The following CDK19 variants were observed in gnomAD, a reference collection of about 807,000 sequenced individuals.
CDK19 encodes cyclin-dependent kinase 19.
CDK19 carries 20 observed loss-of-function variants against 68.3 expected under a neutral mutation model. The ratio of observed to expected loss-of-function variants is 0.29; its 90% CI spans 0.21 to 0.43. The LOEUF (loss-of-function observed/expected upper bound fraction) is 0.43, where lower values mean the gene tolerates loss of function less well. Among genes scored for constraint, CDK19 ranks in the 20% least tolerant of loss-of-function variants. CDK19 has a pLI of 1.00. For synonymous variants in CDK19, 221 were observed against 222.8 expected (o/e 0.99, Z 0.07); for missense variants, 339 against 623.5 (o/e 0.54, Z 4.86).
intron 1 of CDK19, among the ~76,000 whole-genome samples, chr6:110,747,592 G>A (rs752703144): frequency 3.9e-5 from 6 of 152,038 alleles, no homozygotes; most frequent in South Asian, 2.1e-4. Flanking sequence ...TAACAGTTAC[G>A]TTAAGATATA....
intron 2 of CDK19, among the ~76,000 whole-genome samples, chr6:110,710,956 G>C (rs564585817): frequency 1.3e-5 from 2 of 152,238 alleles, no homozygotes; most frequent in Admixed American, 1.3e-4. Context: ...GGGGTTAGCC[G>C]CAACTGATCT....
rs142763730 is a variant in CDK19 at position 110,807,137 on chromosome 6, A to C, written c.128+7872T>G. ...AGACATAGCAAGACCTCATCTCTAC[A>C]AATAATTTAAAAAAAAAAAAAAAAG... On this transcript the variant is annotated intron_variant, in intron 1 of 12. Coordinates refer to ENST00000368911, the MANE Select transcript of CDK19 (RefSeq NM_015076.5). Among the ~76,000 whole-genome samples the C allele has an allele frequency of 5.2e-3, 783 of 151,316 alleles. 3 individuals are homozygous for C. Among genetic ancestry groups the C allele is most frequent in the Middle Eastern group, 0.017 (5 of 294 alleles).
chr6:110,621,375 T>A lies in CDK19; in HGVS notation c.1111-5A>T. ...GTTCTGCTGCTGTTGCTGATTCTTT[T>A]AAGGGGAAAAAAGCAAGCTTGGTAT... On this transcript the variant is annotated splice_region_variant and splice_polypyrimidine_tract_variant and intron_variant, in intron 11 of 12. Transcript: ENST00000368911. The surrounding 1 kb of genome is among the most constrained non-coding windows in gnomAD (Gnocchi z 5.4). 6.5e-7 allele frequency: 1 copy of A among 1,530,024 alleles called. No individual in the cohort carries two copies. The highest frequency in any genetic ancestry group is 8.8e-7 in the Non-Finnish European group (1 of 1,141,226). The allele number at this position is 1,530,024 out of a possible 1,614,324, so 94.8% of individuals were successfully genotyped here.
At chr6:110,679,036 T>C (rs957529768) in intron 2 of CDK19, among the ~76,000 whole-genome samples, 1 of 152,206 alleles carries the variant, frequency 6.6e-6, no homozygotes, top group Non-Finnish European at 1.5e-5. Flanking sequence ...AAGCTGGATG[T>C]AGTGGCTCAC....
At chr6:110,801,565 G>A (rs1482818635) in intron 1 of CDK19, among the ~76,000 whole-genome samples, 1 of 151,992 alleles carries the variant, frequency 6.6e-6, no homozygotes, top group African/African-American at 2.4e-5. Flanking sequence ...AAGCTAGAGT[G>A]CAGTGGCGTC....
At chr6:110,796,683 T>C (rs1781958902) in intron 1 of CDK19, among the ~76,000 whole-genome samples, 2 of 151,578 alleles carry the variant, frequency 1.3e-5, no homozygotes, top group South Asian at 4.2e-4. Flanking sequence ...AAAATACACA[T>C]AAATTGATCT....
chr6:110,727,613 CT>C (rs1776408395), intron 2 of CDK19, among the ~76,000 whole-genome samples: 3 of 124,906 alleles, frequency 2.4e-5, no homozygotes, highest in African/African-American at 8.1e-5. Context: ...CTCAAGATGT[CT>C]TTTTTAAAAG....
chr6:110,812,860 T>A lies in CDK19; in HGVS notation c.128+2149A>T, dbSNP rs185963554. Among the ~76,000 whole-genome samples, 631 of 150,298 alleles carry A rather than the reference T, an allele frequency of 4.2e-3. 3 individuals are homozygous for A. The highest frequency in any genetic ancestry group is 6.7e-3 in the Non-Finnish European group (456 of 67,680). ...TTAACATGAACCCAAAGGACACAGA[T>A]GTTCTTTCAAATTGCTGGTATCAAT... On this transcript the variant is annotated intron_variant, in intron 1 of 12. Coordinates refer to ENST00000368911, the MANE Select transcript of CDK19 (RefSeq NM_015076.5).
At position 110,769,942 on chromosome 6, in the gene CDK19, A is replaced by G. The variant is rs931924571; in HGVS notation, c.129-23741T>C. 5.3e-5 allele frequency among the ~76,000 whole-genome samples: 8 copies of G among 152,332 alleles called. No homozygotes were observed. In the South Asian group the frequency reaches 6.2e-4, roughly 12 times the overall value. ...AAAGGCTTTAAATTGCTTCCAACCTATTATTGGTAAAGAGAAAATATCCTC... is the reference window on the plus strand; with the variant it reads ...AAAGGCTTTAAATTGCTTCCAACCTGTTATTGGTAAAGAGAAAATATCCTC... On this transcript the variant is annotated intron_variant, in intron 1 of 12. Coordinates refer to ENST00000368911, the MANE Select transcript of CDK19 (RefSeq NM_015076.5).
At chr6:110,751,334 C>T (rs1002270866) in intron 1 of CDK19, among the ~76,000 whole-genome samples, 5 of 152,146 alleles carry the variant, frequency 3.3e-5, no homozygotes, top group Admixed American at 1.3e-4. Context: ...AGATCAGTGG[C>T]GGCATTAGAT....
chr6:110,769,572 A>AT lies in CDK19; in HGVS notation c.129-23372_129-23371insA, dbSNP rs1300363420. Among the ~76,000 whole-genome samples, 7 of 144,528 alleles carry AT rather than the reference A, an allele frequency of 4.8e-5. No individual in the cohort carries two copies. The East Asian group carries it at 1.8e-3, about 37-fold the overall frequency. The allele number at this position is 144,528 out of a possible 152,430, so 94.8% of individuals were successfully genotyped here. A position where few individuals can be genotyped will look rare whatever the true frequency, so the allele number is the denominator to read the frequency against. On this transcript the variant is annotated intron_variant, in intron 1 of 12. Coordinates refer to ENST00000368911, the MANE Select transcript of CDK19 (RefSeq NM_015076.5). Reference sequence around the variant, plus strand: ...AGAGCAAGATTCCATCTCAAAAAAAAAAAAAAATAATAATAATAATAATAA... The same window carrying AT: ...AGAGCAAGATTCCATCTCAAAAAAAATAAAAAAATAATAATAATAATAATAA...
chr6:110,742,304 T>C (rs1330158813), intron 2 of CDK19, among the ~76,000 whole-genome samples: 1 of 152,208 alleles, frequency 6.6e-6, no homozygotes, highest in African/African-American at 2.4e-5. Flanking sequence ...ACTCTTATAA[T>C]TTCTTGTCTG....
chr6:110,698,833 C>T (rs1258891210), intron 2 of CDK19, among the ~76,000 whole-genome samples: 1 of 152,082 alleles, frequency 6.6e-6, no homozygotes, highest in Non-Finnish European at 1.5e-5. Flanking sequence ...AATCCCCGCA[C>T]TTTGGGAAGC....
At chr6:110,646,015 G>A in intron 4 of CDK19, 2 of 1,009,886 alleles carry the variant, frequency 2.0e-6, no homozygotes, top group Non-Finnish European at 3.0e-6. Flanking sequence ...CAGGGTGTGC[G>A]GTCGCGGGAC....
At chr6:110,659,956 T>C (rs1781518203) in intron 4 of CDK19, among the ~76,000 whole-genome samples, 1 of 152,184 alleles carries the variant, frequency 6.6e-6, no homozygotes, top group Non-Finnish European at 1.5e-5. Context: ...GCATTTCCAC[T>C]AAATAAAAAA....
In CDK19 at chr6:110,621,447, G is replaced by A; in HGVS notation, c.1111-77C>T. 6.8e-7 allele frequency: 1 copy of A among 1,465,692 alleles called. No individual in the cohort carries two copies. Among genetic ancestry groups the A allele is most frequent in the South Asian group, 1.4e-5 (1 of 73,266 alleles). 90.8% of individuals were successfully genotyped at this position (1,465,692 alleles called of 1,614,324 possible). A position where few individuals can be genotyped will look rare whatever the true frequency, so the allele number is the denominator to read the frequency against. ...TTCTTTAATTATTTGATATGCACAT[G>A]TGGCTGCTGACCAACCTGGGGGAGC... On this transcript the variant is annotated intron_variant, in intron 11 of 12. Transcript: ENST00000368911. The surrounding 1 kb of genome is among the most constrained non-coding windows in gnomAD (Gnocchi z 5.4).
In CDK19 at chr6:110,614,431, T is replaced by G; in HGVS notation, c.*104A>C. ...AAGGTTTTCCTCCCATGTGTATGAG[T>G]TTTAAATGGCATCATAGTTTGCATT... is the stretch of plus-strand genomic sequence containing the variant. On this transcript the variant is annotated 3_prime_UTR_variant, in exon 13 of 13. Coordinates refer to ENST00000368911, the MANE Select transcript of CDK19 (RefSeq NM_015076.5). The G allele has an allele frequency of 9.1e-7, 1 of 1,102,482 alleles. No individual in the cohort carries two copies. Among genetic ancestry groups the G allele is most frequent in the African/African-American group, 1.6e-5 (1 of 64,448 alleles). The allele number at this position is 1,102,482 out of a possible 1,614,324, so 68.3% of individuals were successfully genotyped here.
chr6:110,691,633 T>C (rs1168531013), intron 2 of CDK19, among the ~76,000 whole-genome samples: 1 of 151,406 alleles, frequency 6.6e-6, no homozygotes, highest in Non-Finnish European at 1.5e-5. Context: ...TATTTTATTT[T>C]ATTTTATTAT....
intron 1 of CDK19, among the ~76,000 whole-genome samples, chr6:110,762,753 T>C (rs778114530): frequency 6.6e-6 from 1 of 152,140 alleles, no homozygotes; most frequent in African/African-American, 2.4e-5. Flanking sequence ...ATTAGAATAC[T>C]TGGGAAGAGA....
Sources: allele counts gnomAD v4.1 joint callset (sites outside exome capture counted in the v4.1 genomes callset), GRCh38; gene constraint gnomAD v4.1.1; non-coding constraint Gnocchi (gnomAD v3.1); transcripts MANE v1.5; gene names NCBI Gene and HGNC (gene_info 2026-07-23, HGNC 2026-07-21).